Variants in TASOR observed in about 807,000 individuals in gnomAD.
TASOR encodes protein TASOR.
In TASOR, 53 loss-of-function variants were observed where a neutral mutation model predicts 178.6. The ratio of observed to expected loss-of-function variants is 0.30; its 90% CI spans 0.24 to 0.37. The LOEUF (loss-of-function observed/expected upper bound fraction) is 0.37, where lower values mean the gene tolerates loss of function less well. Among genes scored for constraint, TASOR ranks in the 10% least tolerant of loss-of-function variants. TASOR has a pLI of 1.00. For missense variants in TASOR, 1,815 were observed against 1,971.4 expected, an observed-to-expected ratio of 0.92 and a Z score of 1.50; for synonymous variants, 713 against 696.2, an observed-to-expected ratio of 1.02 and a Z score of -0.38.
At chr3:56,628,774 T>C (rs944565230) in intron 18 of TASOR, 160 bp from the exon 19 acceptor site, 15 of 508,924 alleles carry the variant, frequency 2.9e-5, no homozygotes, top group East Asian at 3.7e-5. Context: ...CCTTTTTTTT[T>C]TTCTTTGAGA....
In TASOR at chr3:56,683,178, C is replaced by A. The variant is rs115407349; in HGVS notation, c.-172G>T. The A allele has an allele frequency of 1.5e-6, 1 of 660,378 alleles. No homozygotes were observed. The allele number at this position is 660,378 out of a possible 1,614,324, so 40.9% of individuals were successfully genotyped here. A position where few individuals can be genotyped will look rare whatever the true frequency, so the allele number is the denominator to read the frequency against. ...GGCAGCCTCTTGGGGGGCCCTGTAG[C>A]GGGCACCCCAAATGCGCTGCCCGGT... On this transcript the variant is annotated 5_prime_UTR_variant, in exon 1 of 24. Transcript: ENST00000683822.
In TASOR at chr3:56,666,240, C is replaced by A; in HGVS notation, c.1022+20G>T. The A allele has an allele frequency of 6.6e-7, 1 of 1,520,114 alleles. No individual in the cohort carries two copies. Among genetic ancestry groups the A allele is most frequent in the South Asian group, 1.3e-5 (1 of 76,388 alleles). The allele number at this position is 1,520,114 out of a possible 1,614,324, so 94.2% of individuals were successfully genotyped here. On this transcript the variant is annotated intron_variant, in intron 7 of 23. Transcript: ENST00000683822. The stretch of plus-strand genomic sequence containing the variant: ...GTAGAATTATCACTGCGGATGATGT[C>A]TAAAACTCCTAAGTCTTACCTTGAT...
At position 56,660,757 on chromosome 3, in the gene TASOR, G is replaced by A. The variant is rs2077577246; in HGVS notation, c.1342C>T (p.Leu448=). The part of the protein sequence containing the change: ...TRIGSNMESL[L]QKLDREKLVL... ...AGTTTTTCTCTGTCTAGTTTTTGCA[G>A]TAAACTCTCCATGTTACTTCCAATT... is the stretch of plus-strand genomic sequence containing the variant. The change falls in exon 11 of 24, where the codon CTG becomes TTG. Residue 448 remains leucine, a synonymous_variant. Coordinates refer to ENST00000683822, the MANE Select transcript of TASOR (RefSeq NM_001365635.2). 2 of 1,613,376 alleles carry A rather than the reference G, an allele frequency of 1.2e-6. No homozygotes were observed.
intron 18 of TASOR, among the ~76,000 whole-genome samples, chr3:56,632,812 ATTAAT>A (rs1287315962): frequency 6.6e-6 from 1 of 152,022 alleles, no homozygotes; most frequent in Non-Finnish European, 1.5e-5. Flanking sequence ...AATTTTTGTT[ATTAAT>A]TTAAGAGACA....
At chr3:56,663,899 A>G (rs2077652674) in intron 7 of TASOR, 2 of 971,486 alleles carry the variant, frequency 2.1e-6, no homozygotes, top group African/African-American at 3.5e-5. Context: ...CAGCCTCAAT[A>G]TATAAATATA....
intron 11 of TASOR, among the ~76,000 whole-genome samples, chr3:56,653,625 A>G (rs2077406012): frequency 6.6e-6 from 1 of 152,138 alleles, no homozygotes; most frequent in South Asian, 2.1e-4. Flanking sequence ...CCCAATGATT[A>G]TAGATTATAC....
In TASOR at chr3:56,660,712, T is replaced by A. The variant is rs1338845000; in HGVS notation, c.1368+19A>T. 6.3e-7 allele frequency: 1 copy of A among 1,575,724 alleles called. No homozygotes were observed. The highest frequency in any genetic ancestry group is 1.7e-5 in the Admixed American group (1 of 59,112). ...ATTTGTAACAAAGAATGAGAAACAT[T>A]AAAAAACTTTTCACTCACAAGTTTT... is the stretch of plus-strand genomic sequence containing the variant. On this transcript the variant is annotated intron_variant, in intron 11 of 23. Coordinates refer to ENST00000683822, the MANE Select transcript of TASOR (RefSeq NM_001365635.2).
At chr3:56,638,568 T>C in intron 17 of TASOR, 138 bp downstream of exon 17, 1 of 692,550 alleles carries the variant, frequency 1.4e-6, no homozygotes, top group Non-Finnish European at 2.5e-6. Context: ...GATTTACATA[T>C]AAATAAATAT....
At chr3:56,672,890 G>C (rs546680407) in intron 2 of TASOR, among the ~76,000 whole-genome samples, 1 of 152,070 alleles carries the variant, frequency 6.6e-6, no homozygotes, top group East Asian at 1.9e-4. Context: ...GCAGTGGCGC[G>C]ATCTCAGCTC....
intron 1 of TASOR, among the ~76,000 whole-genome samples, chr3:56,677,270 T>C (rs1409144305): frequency 6.6e-6 from 1 of 152,230 alleles, no homozygotes; most frequent in African/African-American, 2.4e-5. Flanking sequence ...AACAACCCTG[T>C]GTCTATCCAA....
At chr3:56,660,891 T>C in intron 10 of TASOR, 23 bp downstream of exon 10, 1 of 1,607,044 alleles carries the variant, frequency 6.2e-7, no homozygotes. Flanking sequence ...CTAATGCATT[T>C]CAATAAAATT....
chr3:56,633,379 A>G lies in TASOR; in HGVS notation c.3412T>C (p.Cys1138Arg), dbSNP rs1347617935. The G allele has an allele frequency of 3.1e-6, 5 of 1,614,108 alleles. No individual in the cohort carries two copies. The East Asian group carries it at 8.9e-5, about 29-fold the overall frequency. ...FNNKHLLEPL[C>R]SDPLKDTNSD... is the part of the protein sequence containing the mutation. ...TTGGTATCTTTCAAAGGATCACTAC[A>G]CAGTGGCTCAAGGAGATGTTTATTG... The change falls in exon 18 of 24, where the codon TGT becomes CGT. Residue 1138 changes from cysteine to arginine, a missense_variant. Coordinates refer to ENST00000683822, the MANE Select transcript of TASOR (RefSeq NM_001365635.2).
intron 14 of TASOR, among the ~76,000 whole-genome samples, chr3:56,642,275 A>G (rs2077140140): frequency 6.6e-6 from 1 of 152,260 alleles, no homozygotes; most frequent in South Asian, 2.1e-4. Flanking sequence ...CTAGGGTATT[A>G]TAGAGATAAA....
chr3:56,655,319 T>C (rs2077447185), intron 11 of TASOR, among the ~76,000 whole-genome samples: 1 of 152,206 alleles, frequency 6.6e-6, no homozygotes, highest in African/African-American at 2.4e-5. Flanking sequence ...AGTAGTTCCC[T>C]TTTATCTGCA....
intron 4 of TASOR, 70 bp from the exon 5 acceptor site, chr3:56,669,861 T>G: frequency 8.7e-7 from 1 of 1,146,470 alleles, no homozygotes; most frequent in Non-Finnish European, 1.2e-6. Context: ...AATAAGACAT[T>G]TTTAAGAAGT....
chr3:56,641,618 G>A lies in TASOR; in HGVS notation c.2350C>T (p.His784Tyr). The change falls in exon 15 of 24, where the codon CAT becomes TAT. Residue 784 changes from histidine (H) to tyrosine (Y), a missense_variant. Coordinates refer to ENST00000683822, the MANE Select transcript of TASOR (RefSeq NM_001365635.2). The part of the protein sequence containing the change: ...WLSETLANAR[H>Y]SDASLTDTVN... ...GTGTCTGTCAGAGATGCATCAGAATGGCGCGCATTTGCTAGTGTTTCTGAT... is the reference window on the plus strand; with the variant it reads ...GTGTCTGTCAGAGATGCATCAGAATAGCGCGCATTTGCTAGTGTTTCTGAT... 1.9e-6 allele frequency: 3 copies of A among 1,614,132 alleles called. No individual in the cohort carries two copies. The highest frequency in any genetic ancestry group is 2.7e-5 in the African/African-American group (2 of 75,004).
At chr3:56,637,111 T>C (rs1482858933) in intron 17 of TASOR, among the ~76,000 whole-genome samples, 3 of 152,156 alleles carry the variant, frequency 2.0e-5, no homozygotes, top group Non-Finnish European at 2.9e-5. Context: ...TTATCCTAAG[T>C]TCAACAACAG....
chr3:56,628,185 G>A (rs924639946), intron 19 of TASOR, among the ~76,000 whole-genome samples: 1 of 152,184 alleles, frequency 6.6e-6, no homozygotes, highest in Admixed American at 6.5e-5. Context: ...AGCACAAATA[G>A]GTTTTTCCTA....
At position 56,653,021 on chromosome 3, in the gene TASOR, T is replaced by C. The variant is rs564258659; in HGVS notation, c.1369-3964A>G. Reference sequence around the variant, plus strand: ...GGCTCACGCCTGTAATCCCAGCACTTTGGGAGGCCGAGGCCAGTGGATCAC... The same window carrying C: ...GGCTCACGCCTGTAATCCCAGCACTCTGGGAGGCCGAGGCCAGTGGATCAC... On this transcript the variant is annotated intron_variant, in intron 11 of 23. Transcript: ENST00000683822. Among the ~76,000 whole-genome samples the C allele has an allele frequency of 2.0e-3, 307 of 152,036 alleles. 12 individuals carry two copies. In the South Asian group the frequency reaches 0.058, roughly 29 times the overall value.
Sources: gnomAD v4.1 joint callset for allele counts (sites outside exome capture counted in the v4.1 genomes callset) on GRCh38, gnomAD v4.1.1 for gene constraint, MANE v1.5 for transcripts, NCBI Gene and HGNC (gene_info 2026-07-23, HGNC 2026-07-21) for gene names.